The following EPB41L5 variants were observed in gnomAD, a reference collection of about 807,000 sequenced individuals.
EPB41L5 encodes the protein erythrocyte membrane protein band 4.1 like 5.
A neutral mutation model predicts 106.6 loss-of-function variants in EPB41L5; 55 were observed. The observed-to-expected ratio is 0.52, with a 90% CI of 0.42 to 0.65. EPB41L5 has a LOEUF of 0.65. Ranked by LOEUF, EPB41L5 falls within the 30% of genes least tolerant of loss-of-function variation. EPB41L5 has a pLI of 0.00. For missense variants in EPB41L5, 871 were observed against 882.1 expected (o/e 0.99, Z 0.16); for synonymous variants, 297 against 306.7 (o/e 0.97, Z 0.33).
chr2:120,079,997 C>T (rs1574613426), intron 10 of EPB41L5, among the ~76,000 whole-genome samples: 1 of 152,180 alleles, frequency 6.6e-6, no homozygotes, highest in East Asian at 1.9e-4. Context: ...TGTTTGAATG[C>T]TTAAATGCCT....
chr2:120,024,294 G>A (rs1558802249), intron 2 of EPB41L5, among the ~76,000 whole-genome samples: 1 of 152,276 alleles, frequency 6.6e-6, no homozygotes, highest in Non-Finnish European at 1.5e-5. Flanking sequence ...TGCCCATTCA[G>A]TATGATATTG....
At chr2:120,067,450 C>T (rs1681521072) in intron 3 of EPB41L5, among the ~76,000 whole-genome samples, 1 of 152,208 alleles carries the variant, frequency 6.6e-6, no homozygotes, top group Admixed American at 6.5e-5. Flanking sequence ...AGAGAGAACA[C>T]AGTCACGTAT....
At chr2:120,040,825 G>T (rs948408010) in intron 2 of EPB41L5, among the ~76,000 whole-genome samples, 1 of 152,108 alleles carries the variant, frequency 6.6e-6, no homozygotes. Flanking sequence ...ATCTAAAAAA[G>T]CAAAGGACAA....
At chr2:120,103,308 A>C (rs891875851) in intron 16 of EPB41L5, among the ~76,000 whole-genome samples, 7 of 152,182 alleles carry the variant, frequency 4.6e-5, no homozygotes, top group African/African-American at 1.4e-4. Flanking sequence ...AACTGCATGT[A>C]TGCATGTTTC....
At chr2:120,027,972 A>G (rs1678449232) in intron 2 of EPB41L5, among the ~76,000 whole-genome samples, 1 of 151,624 alleles carries the variant, frequency 6.6e-6, no homozygotes. Flanking sequence ...AAGCGATTCT[A>G]CTGCCTCAGT....
chr2:120,167,632 C>A (rs1687473698), intron 23 of EPB41L5, 125 bp downstream of exon 23: 1 of 1,121,398 alleles, frequency 8.9e-7, no homozygotes, highest in Non-Finnish European at 1.3e-6. Flanking sequence ...GTTAACTGAA[C>A]TTAACTTAAT....
chr2:120,145,516 C>A (rs915164773), intron 19 of EPB41L5, among the ~76,000 whole-genome samples: 1 of 151,996 alleles, frequency 6.6e-6, no homozygotes, highest in South Asian at 2.1e-4. Flanking sequence ...AGGGTTTTTT[C>A]ATGGGATTAT....
Position 120,018,650 on chromosome 2 carries a change from A to G in EPB41L5, c.-8-427A>G, listed in dbSNP as rs554804090. 4.1e-5 allele frequency among the ~76,000 whole-genome samples: 6 copies of G among 146,400 alleles called. No individual in the cohort carries two copies. The East Asian group carries it at 1.2e-3, about 30-fold the overall frequency. ...TGACCAGGAGCCCTTTTTGTTTTTT[A>G]TTTACTTATTTTTTGAGACAGGGTC... On this transcript the variant is annotated intron_variant, in intron 1 of 24. Coordinates refer to ENST00000263713, the MANE Select transcript of EPB41L5 (RefSeq NM_020909.4).
At chr2:120,099,779 A>G (rs1018445956) in intron 14 of EPB41L5, among the ~76,000 whole-genome samples, 5 of 152,218 alleles carry the variant, frequency 3.3e-5, no homozygotes, top group Non-Finnish European at 7.4e-5. Context: ...GAAGGTGTAC[A>G]CAGAGAAGTT....
At chr2:120,170,403 T>G (rs1335789766) in intron 24 of EPB41L5, among the ~76,000 whole-genome samples, 1 of 152,232 alleles carries the variant, frequency 6.6e-6, no homozygotes, top group African/African-American at 2.4e-5. Flanking sequence ...GGTTTTCATC[T>G]GAAGGCTCAA....
At chr2:120,100,102 C>G in intron 14 of EPB41L5, 142 bp from the exon 15 acceptor site, 1 of 614,470 alleles carries the variant, frequency 1.6e-6, no homozygotes, top group East Asian at 2.8e-5. Context: ...GTTTTAGGTA[C>G]TAGCAGTAGT....
intron 18 of EPB41L5, among the ~76,000 whole-genome samples, chr2:120,138,778 A>G (rs187938725): frequency 5.9e-5 from 9 of 152,186 alleles, no homozygotes; most frequent in South Asian, 2.1e-4. Context: ...TGCCAATTCA[A>G]TTTAATCCCT....
intron 2 of EPB41L5, among the ~76,000 whole-genome samples, chr2:120,038,180 C>T (rs1384415079): frequency 2.0e-5 from 3 of 152,130 alleles, no homozygotes; most frequent in Non-Finnish European, 4.4e-5. Flanking sequence ...AACTCAGCAA[C>T]AACAACCAAA....
At chr2:120,027,206 G>C (rs1487335007) in intron 2 of EPB41L5, among the ~76,000 whole-genome samples, 1 of 152,144 alleles carries the variant, frequency 6.6e-6, no homozygotes, top group Non-Finnish European at 1.5e-5. Flanking sequence ...ATCTCCAAGA[G>C]AATGGAAAAC....
At chr2:120,051,449 C>G (rs112890589) in intron 3 of EPB41L5, among the ~76,000 whole-genome samples, 2 of 152,304 alleles carry the variant, frequency 1.3e-5, no homozygotes, top group African/African-American at 4.8e-5. Flanking sequence ...TGGGACCCTC[C>G]GAGCCAGGCA....
intron 19 of EPB41L5, among the ~76,000 whole-genome samples, chr2:120,144,324 G>C (rs949353255): frequency 6.6e-6 from 1 of 152,116 alleles, no homozygotes; most frequent in Non-Finnish European, 1.5e-5. Flanking sequence ...AATTCTGCCA[G>C]TGCCATAATC....
chr2:120,169,189 A>T (rs72841653), intron 24 of EPB41L5, among the ~76,000 whole-genome samples: 6,956 of 152,198 alleles, frequency 0.046, 229 homozygotes, highest in Non-Finnish European at 0.071. Flanking sequence ...CTCATATGTA[A>T]TACAGTTTTC....
At chr2:120,124,208 C>G (rs1685358598) in intron 16 of EPB41L5, among the ~76,000 whole-genome samples, 1 of 152,166 alleles carries the variant, frequency 6.6e-6, no homozygotes, top group Admixed American at 6.5e-5. Context: ...CGAAACCGTT[C>G]TTCACTCCCC....
intron 1 of EPB41L5, among the ~76,000 whole-genome samples, chr2:120,018,150 G>A (rs1419396766): frequency 6.6e-6 from 1 of 151,316 alleles, no homozygotes; most frequent in Non-Finnish European, 1.5e-5. Context: ...TTTTTTTTTA[G>A]TAGAGACGGG....
Sources: allele counts gnomAD v4.1 joint callset (sites outside exome capture counted in the v4.1 genomes callset), GRCh38; gene constraint gnomAD v4.1.1; transcripts MANE v1.5; gene names NCBI Gene and HGNC (gene_info 2026-07-23, HGNC 2026-07-21).